CPD: variants seen among roughly 807,000 people sequenced by gnomAD.
The protein encoded by CPD is metallocarboxypeptidase D.
Under a neutral mutation model 138.3 loss-of-function variants are expected in CPD, and 69 were observed. That is an observed-to-expected ratio of 0.50 (90% CI 0.41 to 0.61). The LOEUF is 0.61. CPD is among the 20% of genes least tolerant of loss of function. CPD has a pLI of 0.00. For synonymous variants in CPD, 651 were observed against 642.1 expected (o/e 1.01, Z -0.21); for missense variants, 1,432 against 1,733.3 (o/e 0.83, Z 3.09).
At chr17:30,383,451 ATGTT>A (rs1403606960) in intron 1 of CPD, among the ~76,000 whole-genome samples, 2 of 152,238 alleles carry the variant, frequency 1.3e-5, no homozygotes, top group South Asian at 4.1e-4. Context: ...GGGAGACGGA[ATGTT>A]CTTACCCAAA....
Position 30,458,951 on chromosome 17 carries a change from A to G in CPD, c.3499-2229A>G, listed in dbSNP as rs554551239. Among the ~76,000 whole-genome samples the G allele has an allele frequency of 3.5e-3, 526 of 151,568 alleles. 1 individual carries two copies. The highest frequency in any genetic ancestry group is 5.9e-3 in the Non-Finnish European group (398 of 67,882). ...ATGCAGTTTATTTTTTATGGTATGA[A>G]GTAGGAGTTCAACTTCGTTTGTTTG... On this transcript the variant is annotated intron_variant, in intron 17 of 20. Coordinates refer to ENST00000225719, the MANE Select transcript of CPD (RefSeq NM_001304.5).
chr17:30,379,114 G>GC lies in CPD; in HGVS notation c.135dup (p.Ala46ArgfsTer39). 1 of 1,544,904 alleles carries GC rather than the reference G, an allele frequency of 6.5e-7. No individual in the cohort carries two copies. The highest frequency in any genetic ancestry group is 8.7e-7 in the Non-Finnish European group (1 of 1,150,082). On this transcript the variant is annotated frameshift_variant, in exon 1 of 21. Coordinates refer to ENST00000225719, the MANE Select transcript of CPD (RefSeq NM_001304.5). LOFTEE classifies it high-confidence loss of function. The surrounding 1 kb of genome is among the most constrained non-coding windows in gnomAD (Gnocchi z 7.0). The stretch of plus-strand genomic sequence containing the variant: ...GCGGAGGCGACTACCACAACTACGA[G>GC]CGCGGGCGCCGAGGCGGCCGAGGGC...
intron 2 of CPD, among the ~76,000 whole-genome samples, chr17:30,400,828 T>A (rs1443760526): frequency 6.7e-6 from 1 of 149,424 alleles, no homozygotes; most frequent in East Asian, 1.9e-4. Context: ...CGGTTAATTT[T>A]TTTTTTTTTT....
intron 2 of CPD, among the ~76,000 whole-genome samples, chr17:30,407,250 A>G (rs902339790): frequency 1.3e-5 from 2 of 152,154 alleles, no homozygotes; most frequent in African/African-American, 2.4e-5. Context: ...AGTCTTTGCT[A>G]TTGTGAATAG....
At chr17:30,454,357 A>G (rs1285449536) in intron 14 of CPD, 2 of 152,346 alleles carry the variant, frequency 1.3e-5, no homozygotes, top group African/African-American at 4.8e-5. Context: ...TCTCTAGGGC[A>G]GGGGCAAAAT....
In CPD at chr17:30,455,480, A is replaced by T. The variant is rs1448433298; in HGVS notation, c.3337+10A>T. 1 of 1,606,378 alleles carries T rather than the reference A, an allele frequency of 6.2e-7. No individual in the cohort carries two copies. Among genetic ancestry groups the T allele is most frequent in the East Asian group, 2.2e-5 (1 of 44,764 alleles). On this transcript the variant is annotated intron_variant, in intron 15 of 20. Coordinates refer to ENST00000225719, the MANE Select transcript of CPD (RefSeq NM_001304.5). Reference sequence around the variant, plus strand: ...AAGCCAGTACAGACAGGTATGTAGAATGTCATTTTATATATATACTGTTTA... The same window carrying T: ...AAGCCAGTACAGACAGGTATGTAGATTGTCATTTTATATATATACTGTTTA...
At chr17:30,425,358 G>T (rs562322495) in intron 6 of CPD, among the ~76,000 whole-genome samples, 16 of 152,142 alleles carry the variant, frequency 1.1e-4, no homozygotes, top group Admixed American at 4.6e-4. Flanking sequence ...GTACAGAGAG[G>T]AGTATAGAGT....
At chr17:30,432,901 A>G (rs1912600562) in intron 8 of CPD, among the ~76,000 whole-genome samples, 1 of 152,140 alleles carries the variant, frequency 6.6e-6, no homozygotes. Flanking sequence ...CTGGGTGACA[A>G]AGCTGAGACC....
chr17:30,434,272 C>T (rs143631779), intron 8 of CPD, among the ~76,000 whole-genome samples: 44 of 152,192 alleles, frequency 2.9e-4, no homozygotes, highest in Admixed American at 7.2e-4. Flanking sequence ...GATCCTGAAA[C>T]TGCAAAATAA....
intron 8 of CPD, among the ~76,000 whole-genome samples, chr17:30,433,737 C>T (rs1417658294): frequency 6.6e-6 from 1 of 152,218 alleles, no homozygotes; most frequent in Non-Finnish European, 1.5e-5. Flanking sequence ...CCTTTATCCT[C>T]TATCTGAGCC....
At chr17:30,435,087 A>G (rs968450926) in intron 8 of CPD, among the ~76,000 whole-genome samples, 3 of 152,090 alleles carry the variant, frequency 2.0e-5, no homozygotes, top group Non-Finnish European at 4.4e-5. Flanking sequence ...AACTACCTCA[A>G]CTCAGATAGT....
intron 10 of CPD, 54 bp downstream of exon 10, chr17:30,442,504 G>T (rs1912904000): frequency 6.4e-7 from 1 of 1,565,730 alleles, no homozygotes; most frequent in African/African-American, 1.4e-5. Context: ...AAAGATTTTT[G>T]TGCGTACACG....
chr17:30,428,645 A>T (rs1305013455), intron 7 of CPD, among the ~76,000 whole-genome samples: 2 of 152,104 alleles, frequency 1.3e-5, no homozygotes, highest in Non-Finnish European at 2.9e-5. Context: ...ATTTTTATGA[A>T]ATTTTTAGAA....
At position 30,466,597 on chromosome 17, in the gene CPD, A is replaced by G. The variant is rs1021068377; in HGVS notation, c.*1783A>G. On this transcript the variant is annotated 3_prime_UTR_variant, in exon 21 of 21. Transcript: ENST00000225719. ...CATGATTTAATTTCTAATAATCTTT[A>G]TGTTTTCTTTAAGGATGGTGGTGTA... The G allele has an allele frequency of 6.6e-6, 1 of 152,554 alleles. No individual in the cohort carries two copies. Among genetic ancestry groups the G allele is most frequent in the Admixed American group, 6.6e-5 (1 of 15,266 alleles). The allele number at this position is 152,554 out of a possible 1,614,324, so 9.5% of individuals were successfully genotyped here. A position where few individuals can be genotyped will look rare whatever the true frequency, so the allele number is the denominator to read the frequency against.
chr17:30,420,830 C>A lies in CPD; in HGVS notation c.995-11C>A. ...CCTTCTGAGAGTAAACTTATTTTTT[C>A]TATGTTACAGGTGGTATGCAAGATT... On this transcript the variant is annotated splice_polypyrimidine_tract_variant and intron_variant, in intron 2 of 20. Coordinates refer to ENST00000225719, the MANE Select transcript of CPD (RefSeq NM_001304.5). The A allele has an allele frequency of 1.3e-6, 2 of 1,595,010 alleles. No individual in the cohort carries two copies. The highest frequency in any genetic ancestry group is 1.1e-5 in the South Asian group (1 of 87,668).
intron 2 of CPD, among the ~76,000 whole-genome samples, chr17:30,403,240 G>A (rs1052624860): frequency 6.6e-6 from 1 of 152,170 alleles, no homozygotes; most frequent in Non-Finnish European, 1.5e-5. Context: ...AGTTTTCAAA[G>A]CCTTTATAGT....
intron 15 of CPD, chr17:30,455,962 T>TA: frequency 2.9e-6 from 1 of 349,510 alleles, no homozygotes; most frequent in Non-Finnish European, 5.2e-6. Flanking sequence ...AGAATATTGT[T>TA]ATTAGGCTAC....
chr17:30,411,478 G>A (rs1260635596), intron 2 of CPD, among the ~76,000 whole-genome samples: 8 of 152,090 alleles, frequency 5.3e-5, no homozygotes, highest in African/African-American at 9.7e-5. Context: ...CATTCTCCCC[G>A]TCACTTTCAG....
At chr17:30,420,164 C>A (rs112935903) in intron 2 of CPD, among the ~76,000 whole-genome samples, 9 of 152,262 alleles carry the variant, frequency 5.9e-5, no homozygotes, top group African/African-American at 1.9e-4. Context: ...AGGTGATAGA[C>A]CATGGATGCT....
Sources: allele counts gnomAD v4.1 joint callset (sites outside exome capture counted in the v4.1 genomes callset), GRCh38; gene constraint gnomAD v4.1.1; non-coding constraint Gnocchi (gnomAD v3.1); transcripts MANE v1.5; gene names NCBI Gene and HGNC (gene_info 2026-07-23, HGNC 2026-07-21).